CNTN4: variants seen among roughly 807,000 people sequenced by gnomAD.
CNTN4 encodes contactin 4.
In CNTN4, 77 loss-of-function variants were observed where a neutral mutation model predicts 122.5. That is an observed-to-expected ratio of 0.63 (90% confidence interval 0.52 to 0.76). The LOEUF is 0.76. Among genes scored for constraint, CNTN4 ranks in the 30% least tolerant of loss-of-function variants. The pLI, the probability that CNTN4 is intolerant of heterozygous loss-of-function variation, is 0.00. For synonymous variants in CNTN4, 512 were observed against 447.0 expected (o/e 1.15, Z -1.83); for missense variants, 1,256 against 1,259.1 (o/e 1.00, Z 0.04).
chr3:2,353,187 T>A (rs62244048), intron 3 of CNTN4, among the ~76,000 whole-genome samples: 19,123 of 151,824 alleles, frequency 0.13, 1,516 homozygotes, highest in Non-Finnish European at 0.18. Context: ...GTATCTAGGA[T>A]ATCTGGTGGG....
intron 4 of CNTN4, among the ~76,000 whole-genome samples, chr3:2,628,484 C>T (rs1013457314): frequency 3.3e-5 from 5 of 152,180 alleles, no homozygotes; most frequent in Non-Finnish European, 5.9e-5. Flanking sequence ...TTTCTACTCT[C>T]GATAGAATGC....
chr3:3,042,921 A>G (rs554593681), intron 21 of CNTN4, 56 bp from the exon 22 acceptor site: 6 of 1,406,960 alleles, frequency 4.3e-6, no homozygotes, highest in Non-Finnish European at 6.0e-6. Context: ...ACCTGATGAC[A>G]TTGCAAATAT....
At chr3:2,933,040 T>C (rs551762868) in intron 13 of CNTN4, among the ~76,000 whole-genome samples, 46 of 152,034 alleles carry the variant, frequency 3.0e-4, no homozygotes, top group Non-Finnish European at 5.9e-4. Context: ...GCCAGGATGG[T>C]CTCGATCTCC....
chr3:2,428,407 C>G (rs539276845), intron 3 of CNTN4, among the ~76,000 whole-genome samples: 32 of 152,316 alleles, frequency 2.1e-4, no homozygotes, highest in African/African-American at 6.0e-4. Flanking sequence ...GCCCCCAACT[C>G]TCTTCTGGCT....
chr3:2,519,772 T>G (rs2077144976), intron 3 of CNTN4, among the ~76,000 whole-genome samples: 2 of 152,210 alleles, frequency 1.3e-5, no homozygotes, highest in Admixed American at 1.3e-4. Flanking sequence ...TTAAAATGTG[T>G]GAAAGCTAAA....
chr3:3,037,038 T>C, intron 17 of CNTN4, 141 bp from the exon 18 acceptor site: 4 of 950,318 alleles, frequency 4.2e-6, no homozygotes, highest in South Asian at 2.6e-5. Flanking sequence ...CAACTGTTGA[T>C]GCAGCTAATA....
chr3:2,114,213 G>A (rs573110941), intron 2 of CNTN4, among the ~76,000 whole-genome samples: 1 of 152,210 alleles, frequency 6.6e-6, no homozygotes, highest in Non-Finnish European at 1.5e-5. Context: ...AGGACTTTGT[G>A]AGGCCGAAGT....
At chr3:2,448,603 C>T (rs1398120090) in intron 3 of CNTN4, among the ~76,000 whole-genome samples, 1 of 152,160 alleles carries the variant, frequency 6.6e-6, no homozygotes, top group Non-Finnish European at 1.5e-5. Context: ...TTAACAGCTC[C>T]CTTTTCTGCA....
At chr3:3,013,787 C>G (rs1559789450) in intron 14 of CNTN4, among the ~76,000 whole-genome samples, 1 of 152,102 alleles carries the variant, frequency 6.6e-6, no homozygotes, top group Non-Finnish European at 1.5e-5. Context: ...TTATGTATCT[C>G]TCTGTGAATA....
At chr3:2,249,746 T>C (rs936012392) in intron 2 of CNTN4, among the ~76,000 whole-genome samples, 2 of 151,916 alleles carry the variant, frequency 1.3e-5, no homozygotes, top group African/African-American at 4.8e-5. Context: ...GAGTGGGTAA[T>C]GGTTGTCCCA....
At chr3:2,599,940 A>G (rs962484526) in intron 4 of CNTN4, among the ~76,000 whole-genome samples, 2 of 150,346 alleles carry the variant, frequency 1.3e-5, no homozygotes, top group Admixed American at 1.3e-4. Context: ...CTGTTCCTCA[A>G]GTGACAAAAA....
chr3:2,307,128 C>T (rs1428019511), intron 2 of CNTN4, among the ~76,000 whole-genome samples: 3 of 152,060 alleles, frequency 2.0e-5, no homozygotes, highest in Admixed American at 2.0e-4. Context: ...GTTAGGACCT[C>T]CACTACAATT....
At chr3:2,678,898 C>T (rs1337052504) in intron 4 of CNTN4, among the ~76,000 whole-genome samples, 1 of 138,826 alleles carries the variant, frequency 7.2e-6, no homozygotes, top group Non-Finnish European at 1.5e-5. Context: ...GGTTCCTTTT[C>T]TTTACTTGGA....
At chr3:2,734,263 G>T (rs1237582024) in intron 4 of CNTN4, among the ~76,000 whole-genome samples, 1 of 151,972 alleles carries the variant, frequency 6.6e-6, no homozygotes, top group African/African-American at 2.4e-5. Context: ...GTCTCCCTGT[G>T]TTGCTCAGGT....
chr3:2,405,616 T>TAGAC (rs2047008777), intron 3 of CNTN4, among the ~76,000 whole-genome samples: 1 of 151,702 alleles, frequency 6.6e-6, no homozygotes, highest in Non-Finnish European at 1.5e-5. Context: ...GATAGATAGA[T>TAGAC]AGATAGATAG....
chr3:3,037,461 A>G (rs567368445), intron 18 of CNTN4, 133 bp downstream of exon 18: 149 of 1,291,792 alleles, frequency 1.2e-4, no homozygotes, highest in Non-Finnish European at 1.6e-4. Context: ...AATGTTTATA[A>G]TGATAGAAAT....
At chr3:2,907,478 C>A (rs1166597005) in intron 12 of CNTN4, among the ~76,000 whole-genome samples, 4 of 150,994 alleles carry the variant, frequency 2.6e-5, no homozygotes, top group Non-Finnish European at 5.9e-5. Flanking sequence ...GAGGCTGAGG[C>A]AGGAGAATCA....
At chr3:2,889,295 A>G (rs1295594348) in intron 10 of CNTN4, among the ~76,000 whole-genome samples, 1 of 152,224 alleles carries the variant, frequency 6.6e-6, no homozygotes, top group Admixed American at 6.5e-5. Context: ...TGAGCTGGGC[A>G]GTAGCTGTTT....
intron 2 of CNTN4, among the ~76,000 whole-genome samples, chr3:2,283,392 C>T (rs1017084886): frequency 2.6e-5 from 4 of 152,026 alleles, no homozygotes; most frequent in African/African-American, 9.7e-5. Context: ...CCAGTTTCCA[C>T]AAATGCACTC....
Sources: allele counts gnomAD v4.1 joint callset (sites outside exome capture counted in the v4.1 genomes callset), GRCh38; gene constraint gnomAD v4.1.1; transcripts MANE v1.5; gene names NCBI Gene and HGNC (gene_info 2026-07-23, HGNC 2026-07-21).